The following CD53 variants were observed in gnomAD, a reference collection of about 807,000 sequenced individuals.
The protein encoded by CD53 is leukocyte surface antigen CD53.
A neutral mutation model predicts 27.3 loss-of-function variants in CD53; 20 were observed. That is an observed-to-expected ratio of 0.73 (90% confidence interval 0.52 to 1.07). The LOEUF is 1.07. Ranked by LOEUF, CD53 falls within the 50% of genes least tolerant of loss-of-function variation. The pLI is 0.00. For synonymous variants in CD53, 106 were observed against 105.3 expected (o/e 1.01, Z -0.04); for missense variants, 216 against 264.0 (o/e 0.82, Z 1.26).
chr1:110,886,856 T>TAC (rs1656626753), intron 1 of CD53, among the ~76,000 whole-genome samples: 1 of 73,532 alleles, frequency 1.4e-5, no homozygotes, highest in South Asian at 4.1e-4. Flanking sequence ...AATATATATA[T>TAC]ATATATATAT....
At position 110,899,188 on chromosome 1, in the gene CD53, G is replaced by C. The variant is rs747697635; in HGVS notation, c.653G>C (p.Gly218Ala). The change falls in exon 8 of 8, where the codon GGG (glycine) becomes GCG (alanine). Residue 218 changes from glycine (G) to alanine (A), a missense_variant. Coordinates refer to ENST00000271324, the MANE Select transcript of CD53 (RefSeq NM_000560.4). ...CQIDKTSQTIGL is the reference protein window; with the variant it reads ...CQIDKTSQTIAL ...ATTGACAAAACCAGCCAGACCATAGGGCTATGATCTGCAGTAGTCCTGTGG... is the reference window on the plus strand; with the variant it reads ...ATTGACAAAACCAGCCAGACCATAGCGCTATGATCTGCAGTAGTCCTGTGG... 12 of 1,610,042 alleles carry C rather than the reference G, an allele frequency of 7.5e-6. No homozygotes were observed. The South Asian group carries it at 1.2e-4, about 16-fold the overall frequency.
Position 110,899,112 on chromosome 1 carries a change from C to G in CD53, c.589-12C>G. ...TTATGAAGACTTCAAATTTTCCCAA[C>G]TCTTTTCACAGGTGTTGGGGATGTC... On this transcript the variant is annotated splice_polypyrimidine_tract_variant and intron_variant, in intron 7 of 7. Coordinates refer to ENST00000271324, the MANE Select transcript of CD53 (RefSeq NM_000560.4). 1 of 1,611,636 alleles carries G rather than the reference C, an allele frequency of 6.2e-7. No individual in the cohort carries two copies. The highest frequency in any genetic ancestry group is 8.5e-7 in the Non-Finnish European group (1 of 1,178,298).
chr1:110,894,524 G>A, intron 4 of CD53, 123 bp downstream of exon 4: 1 of 753,658 alleles, frequency 1.3e-6, no homozygotes, highest in Non-Finnish European at 2.3e-6. Context: ...TGGAAGGATA[G>A]AGGAAACAGA....
chr1:110,898,116 G>A (rs781448191), intron 7 of CD53, among the ~76,000 whole-genome samples: 39 of 152,112 alleles, frequency 2.6e-4, no homozygotes, highest in Admixed American at 6.5e-4. Flanking sequence ...GGTGGCTCAC[G>A]CCTGTAATCC....
At chr1:110,879,742 T>A (rs1307552711) in intron 1 of CD53, among the ~76,000 whole-genome samples, 1 of 151,836 alleles carries the variant, frequency 6.6e-6, no homozygotes, top group African/African-American at 2.4e-5. Context: ...CTTAAAAAAA[T>A]TTTAAAATAG....
chr1:110,883,640 G>A (rs2101046923), intron 1 of CD53, among the ~76,000 whole-genome samples: 1 of 151,982 alleles, frequency 6.6e-6, no homozygotes, highest in Non-Finnish European at 1.5e-5. Flanking sequence ...TGCCTTACAT[G>A]TTTAGTAGAA....
intron 1 of CD53, among the ~76,000 whole-genome samples, chr1:110,885,583 C>T (rs1192027521): frequency 6.7e-6 from 1 of 148,452 alleles, no homozygotes; most frequent in Non-Finnish European, 1.5e-5. Context: ...AGATTTAAGA[C>T]GAGGTGCGGT....
chr1:110,884,796 A>G (rs955103594), intron 1 of CD53, among the ~76,000 whole-genome samples: 3 of 151,994 alleles, frequency 2.0e-5, no homozygotes, highest in Non-Finnish European at 4.4e-5. Context: ...AGTATGGTAT[A>G]TCTTTTTCCA....
intron 1 of CD53, among the ~76,000 whole-genome samples, chr1:110,890,152 T>A (rs975159411): frequency 6.6e-6 from 1 of 152,172 alleles, no homozygotes; most frequent in African/African-American, 2.4e-5. Flanking sequence ...ACCCATGCAC[T>A]GGAAAAGGCA....
chr1:110,875,373 G>A (rs1460186458), intron 1 of CD53, among the ~76,000 whole-genome samples: 3 of 152,184 alleles, frequency 2.0e-5, no homozygotes, highest in Admixed American at 1.3e-4. Flanking sequence ...ATGTTCACAC[G>A]ACAGAATTGA....
At chr1:110,887,865 G>A (rs1479331835) in intron 1 of CD53, among the ~76,000 whole-genome samples, 1 of 152,178 alleles carries the variant, frequency 6.6e-6, no homozygotes, top group Non-Finnish European at 1.5e-5. Context: ...CTGAATAATA[G>A]GCCCCAAATA....
chr1:110,873,085 T>C (rs1656010666), upstream of CD53: 1 of 152,630 alleles, frequency 6.6e-6, no homozygotes, highest in African/African-American at 2.4e-5. Flanking sequence ...CTCCTTCTTC[T>C]CATCTGGGCT....
intron 1 of CD53, among the ~76,000 whole-genome samples, chr1:110,883,439 T>C (rs1656436067): frequency 6.6e-6 from 1 of 152,004 alleles, no homozygotes. Flanking sequence ...TCTATATCGT[T>C]AGATGCTTTT....
chr1:110,876,512 G>A (rs925382830), intron 1 of CD53, among the ~76,000 whole-genome samples: 1 of 152,062 alleles, frequency 6.6e-6, no homozygotes, highest in African/African-American at 2.4e-5. Context: ...TATTTCAGGA[G>A]AACTAGATTG....
Position 110,894,354 on chromosome 1 carries a change from C to A in CD53, c.280C>A (p.Leu94Ile). 1 of 1,614,060 alleles carries A rather than the reference C, an allele frequency of 6.2e-7. No individual in the cohort carries two copies. The highest frequency in any genetic ancestry group is 2.2e-5 in the East Asian group (1 of 44,884). Residue 94 changes from leucine to isoleucine, a missense_variant, in exon 4 of 8, where the codon CTT (leucine) becomes ATT (isoleucine). Physicochemically the swap from Leu to Ile is conservative, Grantham distance 5. Coordinates refer to ENST00000271324, the MANE Select transcript of CD53 (RefSeq NM_000560.4). ...CTTCATCCTGCTGCTGATTATCCTCCTTGCTGAGGTGACCTTGGCCATCCT... is the reference window on the plus strand; with the variant it reads ...CTTCATCCTGCTGCTGATTATCCTCATTGCTGAGGTGACCTTGGCCATCCT... ...SFFILLLIIL[L>I]AEVTLAILLF...
chr1:110,886,721 T>C (rs11102174), intron 1 of CD53, among the ~76,000 whole-genome samples: 108,100 of 150,926 alleles, frequency 0.72, 41,077 homozygotes, highest in Non-Finnish European at 0.84. Flanking sequence ...TGGTGGCACG[T>C]GCTGTGGTCC....
upstream of CD53, among the ~76,000 whole-genome samples, chr1:110,871,596 G>A (rs1189927269): frequency 6.6e-6 from 1 of 152,068 alleles, no homozygotes; most frequent in Non-Finnish European, 1.5e-5. Context: ...GTGAATCTTT[G>A]GAACAGACAG....
At position 110,886,846 on chromosome 1, in the gene CD53, AAT is replaced by A. The variant is rs1553203678; in HGVS notation, c.-17-4523_-17-4522del. On this transcript the variant is annotated intron_variant, in intron 1 of 7. Transcript: ENST00000271324. ...GGCAACAGAGCGAGACTCTGTCTCC[AAT>A]ATATATATATATATATATATATTTT... Among the ~76,000 whole-genome samples the A allele has an allele frequency of 4.4e-3, 446 of 100,996 alleles. 10 individuals carry two copies. Among genetic ancestry groups the A allele is most frequent in the African/African-American group, 0.013 (399 of 31,726 alleles). The allele number at this position is 100,996 out of a possible 152,430, so 66.3% of individuals were successfully genotyped here. A position where few individuals can be genotyped will look rare whatever the true frequency, so the allele number is the denominator to read the frequency against.
At chr1:110,872,211 T>C (rs565420144), upstream of CD53, among the ~76,000 whole-genome samples, 8 of 152,196 alleles carry the variant, frequency 5.3e-5, no homozygotes, top group Non-Finnish European at 1.0e-4. Flanking sequence ...AAAATTCCAG[T>C]GATGCAGCAT....
Sources: gnomAD v4.1 joint callset for allele counts (sites outside exome capture counted in the v4.1 genomes callset) on GRCh38, gnomAD v4.1.1 for gene constraint, MANE v1.5 for transcripts, NCBI Gene and HGNC (gene_info 2026-07-23, HGNC 2026-07-21) for gene names.